The following FREM3 variants were observed in gnomAD, a reference collection of about 807,000 sequenced individuals.
The protein encoded by FREM3 is FRAS1-related extracellular matrix protein 3.
A neutral mutation model predicts 129.1 loss-of-function variants in FREM3; 105 were observed. The observed-to-expected ratio is 0.81, with a 90% CI of 0.69 to 0.96. The LOEUF (loss-of-function observed/expected upper bound fraction) is 0.96. FREM3 is among the 40% of genes least tolerant of loss of function. The probability of loss-of-function intolerance (pLI) is 0.00; values close to 1 mark genes in which losing one functional copy is unlikely to be tolerated. For missense variants in FREM3, 2,593 were observed against 2,666.3 expected (o/e 0.97, Z 0.61); for synonymous variants, 1,014 against 1,044.9 (o/e 0.97, Z 0.57).
chr4:143,637,980 G>A (rs993419842), intron 2 of FREM3, among the ~76,000 whole-genome samples: 1 of 152,054 alleles, frequency 6.6e-6, no homozygotes, highest in Non-Finnish European at 1.5e-5. Context: ...GAGGTGTTTG[G>A]TGTATTCTTT....
In FREM3 at chr4:143,634,397, TAAG is replaced by T. The variant is rs1489164417; in HGVS notation, c.5276-6640_5276-6638del. 6.6e-5 allele frequency among the ~76,000 whole-genome samples: 10 copies of T among 152,224 alleles called. No individual in the cohort carries two copies. In the East Asian group the frequency reaches 1.7e-3, roughly 27 times the overall value. ...TGATCTAGGCAATTGTGGAGTTGGATAAGAAGATTTATAGCTAGTGGGACCCCA... is the reference window on the plus strand; with the variant it reads ...TGATCTAGGCAATTGTGGAGTTGGATAAGATTTATAGCTAGTGGGACCCCA... On this transcript the variant is annotated intron_variant, in intron 2 of 7. Transcript: ENST00000329798.
intron 2 of FREM3, among the ~76,000 whole-genome samples, chr4:143,641,961 A>C (rs1046662363): frequency 6.6e-6 from 1 of 152,130 alleles, no homozygotes; most frequent in African/African-American, 2.4e-5. Context: ...AGAGAGGAAA[A>C]ATTTTAAAGA....
In FREM3 at chr4:143,696,814, T is replaced by G; in HGVS notation, c.3862A>C (p.Lys1288Gln). The change falls in exon 1 of 8, where the codon AAG (lysine) becomes CAG (glutamine). Residue 1288 changes from lysine to glutamine, a missense_variant. Around this residue, in one of 2 missense-constraint regions of FREM3, gnomAD observed 2,276 missense variants for 2,267.2 expected, o/e 1.00. Coordinates refer to ENST00000329798, the MANE Select transcript of FREM3 (RefSeq NM_001168235.2). ...DSFEVWLSDGKHTTHRKVPIV... is the reference protein window; with the variant it reads ...DSFEVWLSDGQHTTHRKVPIV... Reference sequence around the variant, plus strand: ...GGTACCTTCCTGTGGGTTGTGTGCTTGCCGTCACTCAGCCAGACCTCAAAA... The same window carrying G: ...GGTACCTTCCTGTGGGTTGTGTGCTGGCCGTCACTCAGCCAGACCTCAAAA... The G allele has an allele frequency of 6.5e-7, 1 of 1,537,800 alleles. No homozygotes were observed. The highest frequency in any genetic ancestry group is 8.7e-7 in the Non-Finnish European group (1 of 1,147,038).
chr4:143,651,965 G>T (rs992265489), intron 2 of FREM3, among the ~76,000 whole-genome samples: 1 of 152,050 alleles, frequency 6.6e-6, no homozygotes, highest in Non-Finnish European at 1.5e-5. Flanking sequence ...AGAACTAATA[G>T]TTCAAAAGAT....
At chr4:143,579,564 G>A (rs529533108) in intron 7 of FREM3, among the ~76,000 whole-genome samples, 11 of 152,224 alleles carry the variant, frequency 7.2e-5, no homozygotes. Flanking sequence ...TTGCTTACTT[G>A]TACTAATTCT....
intron 2 of FREM3, among the ~76,000 whole-genome samples, chr4:143,628,044 T>A (rs1560850131): frequency 6.6e-6 from 1 of 151,980 alleles, no homozygotes; most frequent in Non-Finnish European, 1.5e-5. Context: ...AGCTTGGTAG[T>A]TTTAAATTCA....
intron 6 of FREM3, among the ~76,000 whole-genome samples, chr4:143,595,662 C>T (rs6812104): frequency 0.53 from 80,504 of 151,806 alleles, 21,574 homozygotes; most frequent in South Asian, 0.65. Flanking sequence ...CCAAGGTGGG[C>T]GGATCACGAG....
At chr4:143,659,493 G>T (rs1739664584) in intron 2 of FREM3, among the ~76,000 whole-genome samples, 1 of 152,114 alleles carries the variant, frequency 6.6e-6, no homozygotes, top group Admixed American at 6.6e-5. Flanking sequence ...GTTGGACATT[G>T]GCATTGGTTC....
intron 5 of FREM3, among the ~76,000 whole-genome samples, chr4:143,614,387 C>G (rs764178211): frequency 1.1e-4 from 16 of 152,170 alleles, no homozygotes; most frequent in Non-Finnish European, 2.4e-4. Context: ...AAATTCTGTT[C>G]TGAAAACATC....
intron 5 of FREM3, among the ~76,000 whole-genome samples, chr4:143,615,162 T>C (rs577144801): frequency 1.3e-5 from 2 of 152,186 alleles, no homozygotes; most frequent in Non-Finnish European, 2.9e-5. Context: ...TTTGGTTACT[T>C]TATGAGGTGG....
chr4:143,695,991 A>G lies in FREM3; in HGVS notation c.4685T>C (p.Val1562Ala). The G allele has an allele frequency of 2.0e-6, 3 of 1,537,908 alleles. No homozygotes were observed. The highest frequency in any genetic ancestry group is 2.6e-6 in the Non-Finnish European group (3 of 1,147,058). ...SQLITLLELT[V>A]EDSDTPDDLI... Reference sequence around the variant, plus strand: ...GTCATCTGGGGTATCACTGTCTTCCACTGTCAACTCAAGGAGAGTGATCAG... The same window carrying G: ...GTCATCTGGGGTATCACTGTCTTCCGCTGTCAACTCAAGGAGAGTGATCAG... The change falls in exon 1 of 8, where the codon GTG becomes GCG. Residue 1562 changes from valine (V) to alanine (A), a missense_variant. Val to Ala is a moderately conservative substitution (Grantham distance 64). Coordinates refer to ENST00000329798, the MANE Select transcript of FREM3 (RefSeq NM_001168235.2).
intron 2 of FREM3, among the ~76,000 whole-genome samples, chr4:143,657,980 TA>T (rs1176822723): frequency 2.0e-5 from 3 of 152,132 alleles, no homozygotes; most frequent in Non-Finnish European, 4.4e-5. Context: ...ATTTATTTAA[TA>T]AAAAAATCAA....
chr4:143,585,289 G>T lies in FREM3; in HGVS notation c.6178+555C>A, dbSNP rs956212226. Among the ~76,000 whole-genome samples the T allele has an allele frequency of 3.9e-5, 6 of 152,184 alleles. No homozygotes were observed. The highest frequency in any genetic ancestry group is 1.4e-4 in the African/African-American group (6 of 41,450). ...TCCTTTTCTTTTCCTATTGGGTCCT[G>T]TTCTTTTTCTGATAAAGCACCTGAC... On this transcript the variant is annotated intron_variant, in intron 7 of 7. Coordinates refer to ENST00000329798, the MANE Select transcript of FREM3 (RefSeq NM_001168235.2). The surrounding 1 kb of genome is among the most constrained non-coding windows in gnomAD (Gnocchi z 4.2).
intron 6 of FREM3, among the ~76,000 whole-genome samples, chr4:143,598,912 T>G (rs1247432872): frequency 6.6e-6 from 1 of 152,188 alleles, no homozygotes; most frequent in African/African-American, 2.4e-5. Context: ...GTAAGTATAC[T>G]CTATGATATT....
chr4:143,577,936 C>T, intron 7 of FREM3, 84 bp from the exon 8 acceptor site: 2 of 1,383,372 alleles, frequency 1.4e-6, no homozygotes, highest in Non-Finnish European at 1.9e-6. Context: ...CTCTCACCAA[C>T]TCTGCGGCAT....
chr4:143,699,202 A>C lies in FREM3; in HGVS notation c.1474T>G (p.Tyr492Asp), dbSNP rs1270274939. Residue 492 changes from tyrosine to aspartate, a missense_variant, in exon 1 of 8, where the codon TAT becomes GAT. Tyr to Asp is a radical substitution (Grantham distance 160, BLOSUM62 -3). Transcript: ENST00000329798. This position sits in a 1 kb window ranked among gnomAD's most constrained non-coding sequence, Gnocchi z 4.2. ...GCTGCCAGGTCCGCTGGTGTGAAAT[A>C]CTTGCACCCAGCAGGTGCCCCAAAC... ...VVFGAPAGCK[Y>D]FTPADLAAGR... is the part of the protein sequence containing the mutation. The C allele has an allele frequency of 6.5e-7, 1 of 1,537,298 alleles. No individual in the cohort carries two copies. Among genetic ancestry groups the C allele is most frequent in the Admixed American group, 2.0e-5 (1 of 51,000 alleles).
intron 6 of FREM3, among the ~76,000 whole-genome samples, chr4:143,598,065 C>G (rs1024337713): frequency 6.6e-6 from 1 of 152,184 alleles, no homozygotes; most frequent in Non-Finnish European, 1.5e-5. Context: ...CATGAGGGCT[C>G]TGCCCTCATG....
intron 6 of FREM3, among the ~76,000 whole-genome samples, chr4:143,603,253 A>G (rs1278422756): frequency 2.6e-5 from 4 of 152,184 alleles, no homozygotes; most frequent in Non-Finnish European, 2.9e-5. Flanking sequence ...CTGCTTCTAC[A>G]TGGCTGGAAG....
chr4:143,630,501 A>G (rs1739117522), intron 2 of FREM3, among the ~76,000 whole-genome samples: 1 of 152,102 alleles, frequency 6.6e-6, no homozygotes, highest in South Asian at 2.1e-4. Flanking sequence ...ACCAGACAAC[A>G]CTATTGTTAC....
Sources: allele counts gnomAD v4.1 joint callset (sites outside exome capture counted in the v4.1 genomes callset), GRCh38; gene constraint gnomAD v4.1.1; regional missense constraint gnomAD v4.1.1; non-coding constraint Gnocchi (gnomAD v3.1); transcripts MANE v1.5; gene names NCBI Gene and HGNC (gene_info 2026-07-23, HGNC 2026-07-21).